Variants in TMC3 observed in about 807,000 individuals in gnomAD.
TMC3 encodes transmembrane channel-like protein 3.
Under a neutral mutation model 110.6 loss-of-function variants are expected in TMC3, and 98 were observed. That is an observed-to-expected ratio of 0.89 (90% CI 0.75 to 1.05). The LOEUF is 1.05. Among genes scored for constraint, TMC3 ranks in the 50% least tolerant of loss-of-function variants. The pLI, the probability that TMC3 is intolerant of heterozygous loss-of-function variation, is 0.00. For missense variants in TMC3, 1,319 were observed against 1,373.2 expected (o/e 0.96, Z 0.62); for synonymous variants, 489 against 513.1 (o/e 0.95, Z 0.63).
rs866604572 is a variant in TMC3, at chr15:81,344,313, G to A, written c.1519-268C>T. ...CACATGAAACTAGGAAAGAATCTAA[G>A]GTCTGTGGTTCTGAGCTGCAGGAGA... On this transcript the variant is annotated intron_variant, in intron 13 of 21. Coordinates refer to ENST00000359440, the MANE Select transcript of TMC3 (RefSeq NM_001080532.3). Among the ~76,000 whole-genome samples, 14 of 152,312 alleles carry A rather than the reference G, an allele frequency of 9.2e-5. No homozygotes were observed. In the Middle Eastern group the frequency reaches 0.024, roughly 259 times the overall value.
At chr15:81,335,771 T>A (rs542679012) in intron 20 of TMC3, 1 of 152,388 alleles carries the variant, frequency 6.6e-6, no homozygotes, top group South Asian at 2.1e-4. Context: ...ACTCTGTTAG[T>A]GGTCCTGAGA....
chr15:81,349,224 C>T lies in TMC3; in HGVS notation c.1193+234G>A, dbSNP rs538148663. Reference sequence around the variant, plus strand: ...CTTCTTCCTCTTCTTCATTTCTTTTCTTCTACCCTTGTCATCCTGGTCCTC... The same window carrying T: ...CTTCTTCCTCTTCTTCATTTCTTTTTTTCTACCCTTGTCATCCTGGTCCTC... On this transcript the variant is annotated intron_variant, in intron 11 of 21. Transcript: ENST00000359440. Among the ~76,000 whole-genome samples the T allele has an allele frequency of 1.0e-3, 157 of 151,972 alleles. 1 individual carries two copies. Among genetic ancestry groups the T allele is most frequent in the African/African-American group, 3.7e-3 (153 of 41,408 alleles).
In TMC3 at chr15:81,356,530, G is replaced by A. The variant is rs368659627; in HGVS notation, c.808C>T (p.Arg270Trp). The A allele has an allele frequency of 5.1e-6, 8 of 1,578,978 alleles. No homozygotes were observed. The highest frequency in any genetic ancestry group is 1.3e-5 in the African/African-American group (1 of 74,094). Reference protein sequence around the residue: ...ASNENYTFCWRVFCAWDYLIG... With the variant: ...ASNENYTFCWWVFCAWDYLIG... ...AGGTAATCCCAGGCACAGAACACCC[G>A]CCAGCAGAAGGTATAGTTTTCATTG... Residue 270 changes from arginine to tryptophan, a missense_variant, in exon 8 of 22, where the codon CGG becomes TGG. By Grantham distance (101) the Arg-to-Trp change is moderately radical. Coordinates refer to ENST00000359440, the MANE Select transcript of TMC3 (RefSeq NM_001080532.3).
At position 81,372,775 on chromosome 15, in the gene TMC3, A is replaced by G. The variant is rs2141430752; in HGVS notation, c.90-38T>C. 3 of 1,606,014 alleles carry G rather than the reference A, an allele frequency of 1.9e-6. No homozygotes were observed. The East Asian group carries it at 6.7e-5, about 36-fold the overall frequency. ...GGCATTAAGGAGGAAATCTGATTAG[A>G]AGAATTGCTTCCAGCAAAGATCATC... On this transcript the variant is annotated intron_variant, in intron 1 of 21. Transcript: ENST00000359440.
chr15:81,353,968 C>T (rs10162788), intron 9 of TMC3, among the ~76,000 whole-genome samples: 23,712 of 152,064 alleles, frequency 0.16, 3,500 homozygotes, highest in African/African-American at 0.4. Context: ...ATGGGAGACA[C>T]AGGGCTCATC....
At chr15:81,349,168 T>G (rs1893888178) in intron 11 of TMC3, among the ~76,000 whole-genome samples, 1 of 152,026 alleles carries the variant, frequency 6.6e-6, no homozygotes, top group Non-Finnish European at 1.5e-5. Flanking sequence ...CTGCCTGTTC[T>G]TCCTTTATTC....
intron 4 of TMC3, among the ~76,000 whole-genome samples, chr15:81,361,581 C>G (rs1420651148): frequency 6.6e-6 from 1 of 152,028 alleles, no homozygotes; most frequent in African/African-American, 2.4e-5. Context: ...GTTTTATGAT[C>G]ATTTTGTTAA....
rs770121253 is a variant in TMC3 at position 81,349,601 on chromosome 15, C to T, written c.1084-34G>A. ...AGAGCACATGCCAGAGCCAGACATT[C>T]CCAGGACCCCCCACCAGCCCTCACC... On this transcript the variant is annotated intron_variant, in intron 10 of 21. Transcript: ENST00000359440. 3.9e-6 allele frequency: 5 copies of T among 1,294,340 alleles called. No individual in the cohort carries two copies. The South Asian group carries it at 1.0e-4, about 26-fold the overall frequency. The allele number at this position is 1,294,340 out of a possible 1,614,324, so 80.2% of individuals were successfully genotyped here. A position where few individuals can be genotyped will look rare whatever the true frequency, so the allele number is the denominator to read the frequency against.
chr15:81,344,153 G>GGAGGGGCCCACTGGCT, intron 13 of TMC3, 108 bp from the exon 14 acceptor site: 1 of 1,227,284 alleles, frequency 8.1e-7, no homozygotes, highest in Non-Finnish European at 1.1e-6. Context: ...CCCAGCCAGT[G>GGAGGGGCCCACTGGCT]GGCCCCTCCA....
At chr15:81,336,577 A>C (rs371054543) in intron 20 of TMC3, 32 bp downstream of exon 20, 99 of 1,611,980 alleles carry the variant, frequency 6.1e-5, no homozygotes, top group Middle Eastern at 3.3e-4. Flanking sequence ...CAAAACAAAA[A>C]AACAACAACA....
intron 10 of TMC3, among the ~76,000 whole-genome samples, chr15:81,350,600 TTATC>T (rs777478688): frequency 6.6e-6 from 1 of 152,202 alleles, no homozygotes; most frequent in Non-Finnish European, 1.5e-5. Flanking sequence ...TGGGAAAAGA[TTATC>T]TAGGGTGGGC....
In TMC3 at chr15:81,341,496, A is replaced by C. The variant is rs1893714697; in HGVS notation, c.1738T>G (p.Cys580Gly). Residue 580 changes from cysteine (C) to glycine (G), a missense_variant, in exon 16 of 22, where the codon TGT (cysteine) becomes GGT (glycine). By Grantham distance (159) the Cys-to-Gly change is radical. Transcript: ENST00000359440. The stretch of plus-strand genomic sequence containing the variant: ...TTGAGAACGTTGAACGCTGGGAGAC[A>C]TGGGGAGAAGAAGGCCCCCATCCTG... ...MIWMGAFFSP[C>G]LPAFNVLKLI... The C allele has an allele frequency of 1.9e-6, 3 of 1,610,910 alleles. No homozygotes were observed. The highest frequency in any genetic ancestry group is 1.3e-5 in the African/African-American group (1 of 74,876).
intron 1 of TMC3, 65 bp downstream of exon 1, chr15:81,373,924 G>A (rs1894492608): frequency 1.4e-6 from 2 of 1,445,142 alleles, no homozygotes; most frequent in Non-Finnish European, 1.9e-6. Context: ...TCGCTCTGGT[G>A]ACCCATGCAT....
intron 3 of TMC3, among the ~76,000 whole-genome samples, chr15:81,365,680 A>AG (rs1326700439): frequency 1.5e-5 from 2 of 136,288 alleles, no homozygotes; most frequent in African/African-American, 6.8e-5. Flanking sequence ...CAAAAAAAAA[A>AG]AAAAAGAAAA....
At position 81,341,353 on chromosome 15, in the gene TMC3, A is replaced by G. The variant is rs116270804; in HGVS notation, c.1844+37T>C. ...AGGCATGGATTATATATATGTATAT[A>G]TAGTTATCTGCATGATCAGATCTTA... is the stretch of plus-strand genomic sequence containing the variant. On this transcript the variant is annotated intron_variant, in intron 16 of 21. Coordinates refer to ENST00000359440, the MANE Select transcript of TMC3 (RefSeq NM_001080532.3). The G allele has an allele frequency of 3.8e-4, 604 of 1,580,396 alleles. 2 individuals carry two copies. The African/African-American group carries it at 7.5e-3, about 20-fold the overall frequency.
Position 81,372,620 on chromosome 15 carries a change from C to G in TMC3, c.207G>C (p.Trp69Cys). ...DLMANIRCRPWTMGQKLRALR... is the reference protein window; with the variant it reads ...DLMANIRCRPCTMGQKLRALR... ...ATGCCCTCAGCTTCTGTCCCATAGT[C>G]CAGGGTCTGCAGCGAATGTTTGCCA... The change falls in exon 2 of 22, where the codon TGG becomes TGC. Residue 69 changes from tryptophan (W) to cysteine (C), a missense_variant. Physicochemically the swap from Trp to Cys is radical, Grantham distance 215. Transcript: ENST00000359440. The G allele has an allele frequency of 6.2e-7, 1 of 1,613,706 alleles. No individual in the cohort carries two copies. Among genetic ancestry groups the G allele is most frequent in the Non-Finnish European group, 8.5e-7 (1 of 1,179,884 alleles).
chr15:81,362,152 C>G, intron 4 of TMC3, 68 bp downstream of exon 4: 2 of 1,387,978 alleles, frequency 1.4e-6, no homozygotes, highest in South Asian at 1.3e-5. Context: ...ACACAGCAGA[C>G]TCTCCTTAGG....
chr15:81,348,065 T>C (rs974529404), intron 11 of TMC3, among the ~76,000 whole-genome samples: 2 of 152,228 alleles, frequency 1.3e-5, no homozygotes, highest in African/African-American at 2.4e-5. Context: ...TAAAGTTGTA[T>C]TGGAACACGA....
intron 13 of TMC3, 72 bp from the exon 14 acceptor site, chr15:81,344,117 C>T: frequency 1.1e-5 from 17 of 1,526,394 alleles, no homozygotes; most frequent in Non-Finnish European, 1.5e-5. Context: ...TCAGGGTGCT[C>T]CTAATCTCTG....
Sources: allele counts gnomAD v4.1 joint callset (sites outside exome capture counted in the v4.1 genomes callset), GRCh38; gene constraint gnomAD v4.1.1; transcripts MANE v1.5; gene names NCBI Gene and HGNC (gene_info 2026-07-23, HGNC 2026-07-21).